Variants in DGKI observed in about 807,000 individuals in gnomAD.
DGKI encodes diacylglycerol kinase iota.
In DGKI, 55 loss-of-function variants were observed where a neutral mutation model predicts 147.5. The ratio of observed to expected loss-of-function variants is 0.37; its 90% confidence interval spans 0.30 to 0.47. The LOEUF is 0.47. Among genes scored for constraint, DGKI ranks in the 20% least tolerant of loss-of-function variants. The probability of loss-of-function intolerance (pLI) is 1.00; values close to 1 mark genes in which losing one functional copy is unlikely to be tolerated. For missense variants in DGKI, 1,007 were observed against 1,323.8 expected (o/e 0.76, Z 3.71); for synonymous variants, 469 against 477.1 (o/e 0.98, Z 0.22).
At chr7:137,708,561 G>T (rs987923484) in intron 1 of DGKI, among the ~76,000 whole-genome samples, 33 of 152,302 alleles carry the variant, frequency 2.2e-4, no homozygotes, top group Non-Finnish European at 2.9e-5. Flanking sequence ...TTAGCAAAAA[G>T]AAATGGGTTT....
intron 1 of DGKI, among the ~76,000 whole-genome samples, chr7:137,810,335 T>A (rs1379789910): frequency 2.6e-5 from 4 of 152,102 alleles, no homozygotes; most frequent in Non-Finnish European, 4.4e-5. Flanking sequence ...AGGCAAAACA[T>A]TAATGGCTGG....
At position 137,751,250 on chromosome 7, in the gene DGKI, TAG is replaced by T. The variant is rs1795481979; in HGVS notation, c.402-61250_402-61249del. Among the ~76,000 whole-genome samples, 3 of 152,364 alleles carry T rather than the reference TAG, an allele frequency of 2.0e-5. No individual in the cohort carries two copies. In the South Asian group the frequency reaches 6.2e-4, roughly 32 times the overall value. On this transcript the variant is annotated intron_variant, in intron 1 of 32. Coordinates refer to ENST00000614521, the MANE Select transcript of DGKI (RefSeq NM_001321708.2). ...ATTTCCATTCCAAATTTTCTACACA[TAG>T]ACTTGGCTACAAAAGCCATTCTACC...
chr7:137,398,485 C>T (rs1391987711), intron 30 of DGKI, among the ~76,000 whole-genome samples: 2 of 152,146 alleles, frequency 1.3e-5, no homozygotes, highest in Non-Finnish European at 2.9e-5. Flanking sequence ...AAGTGCCAAA[C>T]ACAGTTCAAG....
intron 18 of DGKI, among the ~76,000 whole-genome samples, chr7:137,571,931 A>G (rs2128976302): frequency 6.6e-6 from 1 of 152,340 alleles, no homozygotes; most frequent in African/African-American, 2.4e-5. Flanking sequence ...AGTAATAAAC[A>G]ATGCTTTCTG....
Position 137,735,490 on chromosome 7 carries a change from A to G in DGKI, c.402-45488T>C, listed in dbSNP as rs540555343. 2.0e-5 allele frequency among the ~76,000 whole-genome samples: 3 copies of G among 152,226 alleles called. No individual in the cohort carries two copies. In the East Asian group the frequency reaches 5.8e-4, roughly 29 times the overall value. On this transcript the variant is annotated intron_variant, in intron 1 of 32. Transcript: ENST00000614521. The stretch of plus-strand genomic sequence containing the variant: ...CAGGACCCTGAAGATACTGGTGTAC[A>G]AGCATTTACCACAGTTTAGTTGTAT...
chr7:137,526,554 T>A (rs1197687917), intron 20 of DGKI, among the ~76,000 whole-genome samples: 4 of 152,052 alleles, frequency 2.6e-5, no homozygotes, highest in African/African-American at 9.7e-5. Flanking sequence ...ACTTGTTGAA[T>A]CACTCAGATG....
intron 8 of DGKI, 128 bp from the exon 9 acceptor site, chr7:137,609,737 C>T: frequency 1.5e-6 from 1 of 648,136 alleles, no homozygotes; most frequent in Non-Finnish European, 2.7e-6. Context: ...TTTCACACTT[C>T]CAAGCCACTG....
At chr7:137,489,395 G>A (rs977380396) in intron 21 of DGKI, among the ~76,000 whole-genome samples, 1 of 152,068 alleles carries the variant, frequency 6.6e-6, no homozygotes, top group Admixed American at 6.5e-5. Context: ...ATCTTTGGGG[G>A]AGTAATAATC....
intron 20 of DGKI, among the ~76,000 whole-genome samples, chr7:137,540,785 A>AAAAAT (rs1817671432): frequency 7.2e-6 from 1 of 138,684 alleles, no homozygotes; most frequent in Non-Finnish European, 1.5e-5. Flanking sequence ...AAAAAAAAAA[A>AAAAAT]AAACATTTAC....
rs561238163 is a variant in DGKI, at chr7:137,431,176, CAG to C, written c.2761+12899_2761+12900del. ...TTGGGTGACTAGAGAGGCACACAGT[CAG>C]AGAAACAAAGCAAACAGTTAACAGA... On this transcript the variant is annotated intron_variant, in intron 28 of 32. Transcript: ENST00000614521. Among the ~76,000 whole-genome samples the C allele has an allele frequency of 4.6e-5, 7 of 151,788 alleles. No homozygotes were observed. In the South Asian group the frequency reaches 1.5e-3, roughly 32 times the overall value.
chr7:137,828,566 T>C (rs927577288), intron 1 of DGKI, among the ~76,000 whole-genome samples: 3 of 152,228 alleles, frequency 2.0e-5, no homozygotes, highest in African/African-American at 7.2e-5. Context: ...CTTTTCCTTT[T>C]TCATTTCTCA....
chr7:137,412,317 T>A, intron 28 of DGKI, 110 bp from the exon 29 acceptor site: 1 of 1,017,466 alleles, frequency 9.8e-7, no homozygotes, highest in Non-Finnish European at 1.5e-6. Flanking sequence ...GGGGCAGGAA[T>A]CAGGGAAGGA....
At chr7:137,493,777 T>A (rs1177012512) in intron 21 of DGKI, 1 of 702,100 alleles carries the variant, frequency 1.4e-6, no homozygotes. Context: ...CAGAGAGTCT[T>A]CTTACCTCCA....
At chr7:137,767,471 G>A (rs13231598) in intron 1 of DGKI, among the ~76,000 whole-genome samples, 19 of 89,624 alleles carry the variant, frequency 2.1e-4, no homozygotes, top group Admixed American at 3.7e-4. Context: ...AGAAGAGAAG[G>A]GAAGAGAAGA....
chr7:137,438,043 G>A (rs919912886), intron 28 of DGKI, among the ~76,000 whole-genome samples: 18 of 151,706 alleles, frequency 1.2e-4, no homozygotes, highest in Middle Eastern at 3.2e-3. Flanking sequence ...AAATACCAAA[G>A]GCATAAACCA....
At chr7:137,549,363 A>G (rs1817970206) in intron 20 of DGKI, among the ~76,000 whole-genome samples, 1 of 152,206 alleles carries the variant, frequency 6.6e-6, no homozygotes. Context: ...CTGGCATCTA[A>G]GTGGAAAGGG....
intron 1 of DGKI, among the ~76,000 whole-genome samples, chr7:137,786,106 T>C (rs1433267670): frequency 6.6e-6 from 1 of 152,122 alleles, no homozygotes; most frequent in Admixed American, 6.5e-5. Flanking sequence ...AACACAGTAC[T>C]AGAAGTCCTG....
chr7:137,710,508 A>G (rs917875407), intron 1 of DGKI, among the ~76,000 whole-genome samples: 1 of 152,150 alleles, frequency 6.6e-6, no homozygotes, highest in African/African-American at 2.4e-5. Context: ...AACTGGCATT[A>G]CAGAATAATG....
chr7:137,464,909 T>G (rs113821817), intron 26 of DGKI, among the ~76,000 whole-genome samples: 1 of 152,218 alleles, frequency 6.6e-6, no homozygotes, highest in Non-Finnish European at 1.5e-5. Context: ...TCAGGCCCCA[T>G]AGACCAGTAA....
Sources: allele counts gnomAD v4.1 joint callset (sites outside exome capture counted in the v4.1 genomes callset), GRCh38; gene constraint gnomAD v4.1.1; transcripts MANE v1.5; gene names NCBI Gene and HGNC (gene_info 2026-07-23, HGNC 2026-07-21).